Variants in SPTBN4 observed in about 807,000 individuals in gnomAD.
SPTBN4 encodes spectrin beta, non-erythrocytic 4, also known as spectrin beta chain, non-erythrocytic 4.
Under a neutral mutation model 277.8 loss-of-function variants are expected in SPTBN4, and 96 were observed. That is an observed-to-expected ratio of 0.35 (90% confidence interval 0.29 to 0.41). The LOEUF (loss-of-function observed/expected upper bound fraction) is 0.41, where lower values mean the gene tolerates loss of function less well. SPTBN4 is among the 10% of genes least tolerant of loss of function. The pLI, the probability that SPTBN4 is intolerant of heterozygous loss-of-function variation, is 1.00. For synonymous variants in SPTBN4, 1,481 were observed against 1,580.3 expected (o/e 0.94, Z 1.49); for missense variants, 3,006 against 3,595.7 (o/e 0.84, Z 4.19).
chr19:40,497,376 G>C, intron 6 of SPTBN4, 113 bp from the exon 7 acceptor site: 3 of 748,696 alleles, frequency 4.0e-6, no homozygotes, highest in African/African-American at 3.4e-5. Context: ...TGGCTAGACT[G>C]TGCCCTTCTG....
At chr19:40,533,525 C>T (rs2080701135) in intron 19 of SPTBN4, among the ~76,000 whole-genome samples, 1 of 152,164 alleles carries the variant, frequency 6.6e-6, no homozygotes, top group South Asian at 2.1e-4. Flanking sequence ...TTTTCTGACT[C>T]ACACAGAGAC....
chr19:40,522,348 A>ATTTTTT (rs567161952), intron 16 of SPTBN4, among the ~76,000 whole-genome samples: 1 of 117,698 alleles, frequency 8.5e-6, no homozygotes. Context: ...ATAGTAACCA[A>ATTTTTT]TTTTTTTTTT....
In SPTBN4 at chr19:40,554,593, C is replaced by A. The variant is rs372617652; in HGVS notation, c.5031C>A (p.Ile1677=). ...GCGTGGAGAACTACGAGGAAAGCAT[C>A]GCGCAGCTGTCGCGCCAGTGCCGGG... is the stretch of plus-strand genomic sequence containing the variant. ...EQGVENYEES[I]AQLSRQCRAL... is the part of the protein sequence containing the mutation. The change falls in exon 24 of 36, where the codon ATC becomes ATA. Residue 1677 remains isoleucine, a synonymous_variant. Transcript: ENST00000598249. This position sits in a 1 kb window ranked among gnomAD's most constrained non-coding sequence, Gnocchi z 5.7. 11 of 1,554,042 alleles carry A rather than the reference C, an allele frequency of 7.1e-6. No homozygotes were observed. Among genetic ancestry groups the A allele is most frequent in the Non-Finnish European group, 9.6e-6 (11 of 1,149,578 alleles).
At position 40,568,154 on chromosome 19, in the gene SPTBN4, G is replaced by A; in HGVS notation, c.6828G>A (p.Glu2276=). 6.3e-7 allele frequency: 1 copy of A among 1,581,060 alleles called. No individual in the cohort carries two copies. The highest frequency in any genetic ancestry group is 8.6e-7 in the Non-Finnish European group (1 of 1,164,320). The part of the protein sequence containing the change: ...RPERQESAEH[E]AAHSLTLGRY... ...AGCGGCAGGAGTCAGCGGAGCACGA[G>A]GCGGCACACAGCCTTACCCTGGGCC... is the stretch of plus-strand genomic sequence containing the variant. The change falls in exon 31 of 36, where the codon GAG becomes GAA. Residue 2276 remains glutamate, a synonymous_variant. Coordinates refer to ENST00000598249, the MANE Select transcript of SPTBN4 (RefSeq NM_020971.3).
intron 20 of SPTBN4, among the ~76,000 whole-genome samples, chr19:40,547,469 GA>G (rs1227418457): frequency 6.6e-6 from 1 of 152,146 alleles, no homozygotes; most frequent in Non-Finnish European, 1.5e-5. Context: ...TTGCTAATGT[GA>G]ATAGTGCCAC....
intron 19 of SPTBN4, among the ~76,000 whole-genome samples, chr19:40,533,801 CTG>C (rs1438717661): frequency 6.6e-6 from 1 of 152,122 alleles, no homozygotes; most frequent in Non-Finnish European, 1.5e-5. Flanking sequence ...TCCCATGTCT[CTG>C]TGTCCATCTG....
chr19:40,550,467 C>T, intron 22 of SPTBN4, 140 bp downstream of exon 22: 2 of 680,616 alleles, frequency 2.9e-6, no homozygotes, highest in East Asian at 2.8e-5. Context: ...ACAGATGTAT[C>T]CAGGTGCTTC....
intron 2 of SPTBN4, among the ~76,000 whole-genome samples, chr19:40,478,038 C>A (rs1428819457): frequency 1.3e-5 from 2 of 152,034 alleles, no homozygotes; most frequent in Admixed American, 6.6e-5. Context: ...GGGGGTTTCA[C>A]CATGTTGGCC....
intron 13 of SPTBN4, among the ~76,000 whole-genome samples, chr19:40,507,572 C>A (rs978378241): frequency 6.6e-6 from 1 of 152,058 alleles, no homozygotes; most frequent in African/African-American, 2.4e-5. Flanking sequence ...AGGCCAGGCA[C>A]GGTGGCTCAT....
intron 4 of SPTBN4, 56 bp from the exon 5 acceptor site, chr19:40,492,907 G>A (rs1234414757): frequency 1.4e-6 from 2 of 1,479,126 alleles, no homozygotes; most frequent in Non-Finnish European, 1.9e-6. Flanking sequence ...TGAGTGGGGG[G>A]CATTCGAAGC....
At chr19:40,487,957 A>G in intron 3 of SPTBN4, 109 bp downstream of exon 3, 1 of 1,293,582 alleles carries the variant, frequency 7.7e-7, no homozygotes, top group Non-Finnish European at 1.0e-6. Context: ...CTCATGGGCG[A>G]GTGGAACGTG....
At position 40,552,478 on chromosome 19, in the gene SPTBN4, T is replaced by TA. The variant is rs1233536208; in HGVS notation, c.4675-1656dup. ...CTCAAAAAAAAAAAAAAAAAAAGAT[T>TA]AAAAAAAAAAAAAGATTTACTGTGT... On this transcript the variant is annotated intron_variant, in intron 22 of 35. Coordinates refer to ENST00000598249, the MANE Select transcript of SPTBN4 (RefSeq NM_020971.3). 5.3e-3 allele frequency among the ~76,000 whole-genome samples: 727 copies of TA among 137,368 alleles called. 6 individuals are homozygous for TA. The highest frequency in any genetic ancestry group is 0.017 in the African/African-American group (630 of 37,246). The allele number at this position is 137,368 out of a possible 152,430, so 90.1% of individuals were successfully genotyped here.
intron 7 of SPTBN4, among the ~76,000 whole-genome samples, chr19:40,501,253 A>G (rs2145845512): frequency 6.6e-6 from 1 of 152,084 alleles, no homozygotes; most frequent in African/African-American, 2.4e-5. Flanking sequence ...AAAAAAAAAA[A>G]GTAAAAAGTT....
Position 40,490,027 on chromosome 19 carries a change from C to CT in SPTBN4, c.322-47dup. The CT allele has an allele frequency of 6.6e-6, 10 of 1,524,084 alleles. No homozygotes were observed. Among genetic ancestry groups the CT allele is most frequent in the Non-Finnish European group, 8.8e-6 (10 of 1,134,914 alleles). The allele number at this position is 1,524,084 out of a possible 1,614,324, so 94.4% of individuals were successfully genotyped here. A position where few individuals can be genotyped will look rare whatever the true frequency, so the allele number is the denominator to read the frequency against. ...AAGCTGCGGGGCCGAGGGCGCCATA[C>CT]TCCTGTCTGTCCAGACCCCCGATCG... On this transcript the variant is annotated intron_variant, in intron 3 of 35. Transcript: ENST00000598249. The surrounding 1 kb of genome is among the most constrained non-coding windows in gnomAD (Gnocchi z 4.3).
Position 40,567,754 on chromosome 19 carries a change from A to G in SPTBN4, c.6428A>G (p.Lys2143Arg). ...GGGGACCCCACGGAACTGGCGGCCA[A>G]GGCGGCGCCCCTGCTGCGGCCAGGG... ...FFGDPTELAAKAAPLLRPGGY... is the reference protein window; with the variant it reads ...FFGDPTELAARAAPLLRPGGY... The change falls in exon 31 of 36, where the codon AAG becomes AGG. Residue 2143 changes from lysine to arginine, a missense_variant. Physicochemically the swap from Lys to Arg is conservative, Grantham distance 26 (BLOSUM62 2). Transcript: ENST00000598249. 6.5e-7 allele frequency: 1 copy of G among 1,545,564 alleles called. No homozygotes were observed.
At chr19:40,527,117 G>A (rs2080601816) in intron 17 of SPTBN4, among the ~76,000 whole-genome samples, 1 of 152,104 alleles carries the variant, frequency 6.6e-6, no homozygotes, top group South Asian at 2.1e-4. Flanking sequence ...CTCTGCAACT[G>A]TCTCCTATAC....
chr19:40,506,529 A>C, intron 13 of SPTBN4, 143 bp downstream of exon 13: 1 of 1,284,880 alleles, frequency 7.8e-7, no homozygotes, highest in Non-Finnish European at 1.0e-6. Context: ...ATTACATTCC[A>C]CTGGGGAAGT....
At chr19:40,567,420 T>G (rs2081105572) in intron 30 of SPTBN4, among the ~76,000 whole-genome samples, 1 of 152,178 alleles carries the variant, frequency 6.6e-6, no homozygotes, top group Admixed American at 6.5e-5. Context: ...GCAATTGATT[T>G]ACCCAATTTT....
In SPTBN4 at chr19:40,568,099, C is replaced by G; in HGVS notation, c.6773C>G (p.Ser2258Cys). 1 of 1,567,664 alleles carries G rather than the reference C, an allele frequency of 6.4e-7. No homozygotes were observed. The highest frequency in any genetic ancestry group is 8.6e-7 in the Non-Finnish European group (1 of 1,156,580). ...RPERQESVDQ[S>C]EEAARRRRPE... ...GAGCGGCAAGAGTCAGTCGATCAAT[C>G]CGAGGAGGCTGCGCGGAGGCGGCGG... Residue 2258 changes from serine (S) to cysteine (C), a missense_variant, in exon 31 of 36, where the codon TCC becomes TGC. Physicochemically the swap from Ser to Cys is moderately radical, Grantham distance 112. Around this residue, in one of 5 missense-constraint regions of SPTBN4, gnomAD observed 630 missense variants for 677.6 expected, o/e 0.93. Transcript: ENST00000598249.
Sources: allele counts gnomAD v4.1 joint callset (sites outside exome capture counted in the v4.1 genomes callset), GRCh38; gene constraint gnomAD v4.1.1; regional missense constraint gnomAD v4.1.1; non-coding constraint Gnocchi (gnomAD v3.1); transcripts MANE v1.5; gene names NCBI Gene and HGNC (gene_info 2026-07-23, HGNC 2026-07-21).